Variants in C4orf50 observed in about 807,000 individuals in gnomAD.
The protein encoded by C4orf50 is chromosome 4 open reading frame 50.
Under a neutral mutation model 77.2 loss-of-function variants are expected in C4orf50, and 80 were observed. The observed-to-expected ratio is 1.04, with a 90% confidence interval of 0.87 to 1.25. The LOEUF is 1.25. C4orf50 is among the 50% of genes most tolerant of loss of function. C4orf50 has a pLI of 0.00. For missense variants in C4orf50, 1,257 were observed against 1,152.9 expected, an observed-to-expected ratio of 1.09 and a Z score of -1.31; for synonymous variants, 532 against 465.3, an observed-to-expected ratio of 1.14 and a Z score of -1.84.
chr4:5,910,812 G>A (rs1716770406), intron 7 of C4orf50, among the ~76,000 whole-genome samples: 1 of 152,088 alleles, frequency 6.6e-6, no homozygotes, highest in South Asian at 2.1e-4. Flanking sequence ...AGTGGAGTGG[G>A]GGGGATACCT....
intron 28 of C4orf50, among the ~76,000 whole-genome samples, chr4:5,984,367 G>C (rs1720750936): frequency 6.6e-6 from 1 of 152,204 alleles, no homozygotes. Flanking sequence ...AGCAGGCAAA[G>C]AGATGATCCA....
Position 5,900,131 on chromosome 4 carries a change from T to G in C4orf50, c.*2475-1943A>C, listed in dbSNP as rs1484936630. 1 of 152,144 alleles carries G rather than the reference T, an allele frequency of 6.6e-6. No homozygotes were observed. Among genetic ancestry groups the G allele is most frequent in the Non-Finnish European group, 1.5e-5 (1 of 68,030 alleles). 9.4% of individuals were successfully genotyped at this position (152,144 alleles called of 1,614,324 possible). ...ACGTTTCAGACCTAGAATTTCACCC[T>G]GGAACCAAAGGGGAACTGTGAATCT... On this transcript the variant is annotated intron_variant, in intron 7 of 7. Transcript: ENST00000324058. The surrounding 1 kb of genome is among the most constrained non-coding windows in gnomAD (Gnocchi z 4.3).
chr4:5,920,512 T>C (rs1333879288), intron 7 of C4orf50, among the ~76,000 whole-genome samples: 2 of 149,082 alleles, frequency 1.3e-5, no homozygotes, highest in Non-Finnish European at 3.0e-5. Flanking sequence ...AGTCTCACTC[T>C]GTCACCCAGG....
At position 6,002,087 on chromosome 4, in the gene C4orf50, T is replaced by A. The variant is rs75452453; in HGVS notation, c.963+5909A>T. On this transcript the variant is annotated intron_variant, in intron 25 of 33. Coordinates refer to ENST00000531445, the Ensembl canonical transcript of C4orf50. ...AGAGTGTGGCCTTAGTTGAAAATAG[T>A]GTTTTTGCAGATGTGATCAAATTAA... 2.6e-4 allele frequency among the ~76,000 whole-genome samples: 39 copies of A among 152,288 alleles called. No homozygotes were observed. In the East Asian group the frequency reaches 7.0e-3, roughly 27 times the overall value.
intron 7 of C4orf50, among the ~76,000 whole-genome samples, chr4:5,912,122 G>A (rs184347696): frequency 6.6e-4 from 101 of 152,116 alleles, no homozygotes; most frequent in African/African-American, 2.2e-3. Context: ...CTGATTTTCG[G>A]CATTTTTTAA....
intron 25 of C4orf50, among the ~76,000 whole-genome samples, chr4:6,004,194 A>G (rs1434060224): frequency 2.8e-5 from 4 of 141,988 alleles, no homozygotes; most frequent in Admixed American, 7.0e-5. Context: ...GATGGTGATG[A>G]TGGTGATGGT....
intron 7 of C4orf50, among the ~76,000 whole-genome samples, chr4:5,906,501 G>A (rs1056225833): frequency 6.6e-6 from 1 of 152,162 alleles, no homozygotes; most frequent in Non-Finnish European, 1.5e-5. Context: ...GAGCCTTCAT[G>A]GATGCACCAG....
chr4:5,944,674 C>T (rs1316410976), intron 7 of C4orf50, among the ~76,000 whole-genome samples: 2 of 152,126 alleles, frequency 1.3e-5, no homozygotes, highest in Non-Finnish European at 2.9e-5. Flanking sequence ...TTGGTACCCA[C>T]ATGAACCAGA....
Position 6,011,339 on chromosome 4 carries a change from G to GC in C4orf50, c.426+490dup, listed in dbSNP as rs1048358061. 2.0e-5 allele frequency among the ~76,000 whole-genome samples: 3 copies of GC among 152,002 alleles called. No homozygotes were observed. The highest frequency in any genetic ancestry group is 4.8e-5 in the African/African-American group (2 of 41,384). On this transcript the variant is annotated intron_variant, in intron 24 of 33. Coordinates refer to ENST00000531445, the Ensembl canonical transcript of C4orf50. The surrounding 1 kb of genome is among the most constrained non-coding windows in gnomAD (Gnocchi z 4.2). ...TGTTCTCCCACACCTCTGTGCTACGGCCCCGTGCTGTCAGCCACGCCTCAC... is the reference window on the plus strand; with the variant it reads ...TGTTCTCCCACACCTCTGTGCTACGGCCCCCGTGCTGTCAGCCACGCCTCAC...
At chr4:5,981,115 A>C (rs1293028320) in intron 28 of C4orf50, among the ~76,000 whole-genome samples, 1 of 152,182 alleles carries the variant, frequency 6.6e-6, no homozygotes, top group African/African-American at 2.4e-5. Flanking sequence ...CATACATACT[A>C]ACACAGATTT....
chr4:5,988,958 G>A lies in C4orf50; in HGVS notation c.3088C>T (p.Gln1030Ter). 6.5e-7 allele frequency: 1 copy of A among 1,536,024 alleles called. No individual in the cohort carries two copies. The highest frequency in any genetic ancestry group is 8.7e-7 in the Non-Finnish European group (1 of 1,146,890). ...CTCTCAGACGTGGCTTTCTGGAGTT[G>A]GCCCAGATTCCCTTTCAGTGTTTCA... Residue 1030 changes from glutamine to a stop codon, truncating the protein, a stop_gained, in exon 28 of 34, where the codon CAA (glutamine) becomes TAA (stop). Coordinates refer to ENST00000531445, the Ensembl canonical transcript of C4orf50. LOFTEE classifies it high-confidence loss of function.
intron 7 of C4orf50, among the ~76,000 whole-genome samples, chr4:5,944,864 G>A (rs1356005915): frequency 1.3e-5 from 2 of 152,076 alleles, no homozygotes; most frequent in East Asian, 1.9e-4. Context: ...AGAGAGGAGA[G>A]GACTAACACT....
chr4:5,916,359 C>T lies in C4orf50; in HGVS notation c.*2475-18171G>A, dbSNP rs575640193. Among the ~76,000 whole-genome samples, 12 of 151,696 alleles carry T rather than the reference C, an allele frequency of 7.9e-5. No homozygotes were observed. The East Asian group carries it at 9.7e-4, about 12-fold the overall frequency. ...CTAGGAGAGGGGTGGGGCTTAACCA[C>T]GCCGAACAGACAGCCTTGGGTCCCT... On this transcript the variant is annotated intron_variant, in intron 7 of 7. Transcript: ENST00000324058. This position sits in a 1 kb window ranked among gnomAD's most constrained non-coding sequence, Gnocchi z 4.4.
rs769740615 is a variant in C4orf50, at chr4:5,919,799, G to T, written c.*2475-21611C>A. On this transcript the variant is annotated intron_variant, in intron 7 of 7. Coordinates refer to the C4orf50 transcript ENST00000324058. This position sits in a 1 kb window ranked among gnomAD's most constrained non-coding sequence, Gnocchi z 6.5. ...CTTGCTGAGCTCCCACAAAGCCCAT[G>T]GGAGAAGACGCTTCACCAGAATCAA... is the stretch of plus-strand genomic sequence containing the variant. Among the ~76,000 whole-genome samples the T allele has an allele frequency of 4.6e-5, 7 of 152,162 alleles. No homozygotes were observed. The highest frequency in any genetic ancestry group is 8.8e-5 in the Non-Finnish European group (6 of 68,036).
chr4:5,949,747 G>A (rs1432645513), intron 7 of C4orf50, among the ~76,000 whole-genome samples: 1 of 152,230 alleles, frequency 6.6e-6, no homozygotes, highest in African/African-American at 2.4e-5. Flanking sequence ...AGCACTGTGG[G>A]AAGCCAAGGC....
intron 7 of C4orf50, among the ~76,000 whole-genome samples, chr4:5,910,353 A>T (rs2108729472): frequency 1.3e-5 from 2 of 152,364 alleles, no homozygotes; most frequent in Middle Eastern, 6.8e-3. Context: ...CTCATAGGGA[A>T]TTAAATCTAA....
At chr4:5,922,524 G>T (rs895130839) in intron 7 of C4orf50, among the ~76,000 whole-genome samples, 3 of 152,200 alleles carry the variant, frequency 2.0e-5, no homozygotes, top group African/African-American at 7.2e-5. Flanking sequence ...GAGTCCTTGG[G>T]GGAATTGGAC....
intron 25 of C4orf50, among the ~76,000 whole-genome samples, chr4:6,002,558 C>G (rs374086299): frequency 1.3e-5 from 2 of 152,240 alleles, no homozygotes; most frequent in South Asian, 2.1e-4. Context: ...CAGCTGGGAA[C>G]ACCTTGCCTG....
intron 7 of C4orf50, among the ~76,000 whole-genome samples, chr4:5,935,887 A>G (rs1267583783): frequency 6.6e-6 from 1 of 151,858 alleles, no homozygotes; most frequent in Admixed American, 6.6e-5. Context: ...ATTTGTCAGG[A>G]AGGTTAAGTT....
Sources: allele counts gnomAD v4.1 joint callset (sites outside exome capture counted in the v4.1 genomes callset), GRCh38; gene constraint gnomAD v4.1.1; non-coding constraint Gnocchi (gnomAD v3.1); transcripts MANE v1.5; gene names NCBI Gene and HGNC (gene_info 2026-07-23, HGNC 2026-07-21).